BDH1: variants seen among roughly 807,000 people sequenced by gnomAD.
BDH1 encodes 3-hydroxybutyrate dehydrogenase 1, also known as D-beta-hydroxybutyrate dehydrogenase, mitochondrial.
A neutral mutation model predicts 33.1 loss-of-function variants in BDH1; 30 were observed. The observed-to-expected ratio is 0.91, with a 90% CI of 0.68 to 1.23. The LOEUF is 1.23. Ranked by LOEUF, BDH1 falls within the 50% of genes most tolerant of loss-of-function variation. BDH1 has a pLI of 0.00. For missense variants in BDH1, 443 were observed against 464.4 expected (o/e 0.95, Z 0.42); for synonymous variants, 190 against 183.6 (o/e 1.03, Z -0.28).
At chr3:197,527,971 C>T (rs2108735149) in intron 5 of BDH1, among the ~76,000 whole-genome samples, 2 of 152,238 alleles carry the variant, frequency 1.3e-5, no homozygotes, top group East Asian at 3.9e-4. Context: ...TTATTTTTCT[C>T]TACTGCTTTT....
At chr3:197,559,088 C>T (rs1006346771), upstream of BDH1, among the ~76,000 whole-genome samples, 4 of 151,566 alleles carry the variant, frequency 2.6e-5, no homozygotes, top group East Asian at 1.9e-4. Context: ...CTGCAACCTC[C>T]GCCTCCAGGG....
chr3:197,515,799 G>A, intron 6 of BDH1: 1 of 875,338 alleles, frequency 1.1e-6, no homozygotes, highest in Non-Finnish European at 1.4e-6. Context: ...AGCTACTCGG[G>A]AGGCTGAGGC....
intron 3 of BDH1, among the ~76,000 whole-genome samples, chr3:197,537,264 C>T (rs912491750): frequency 2.6e-5 from 4 of 152,238 alleles, no homozygotes; most frequent in African/African-American, 9.6e-5. Flanking sequence ...GCTGGGATTA[C>T]AGGCATGAAC....
At chr3:197,571,978 C>A (rs1717623643) in intron 1 of BDH1, among the ~76,000 whole-genome samples, 1 of 152,148 alleles carries the variant, frequency 6.6e-6, no homozygotes, top group African/African-American at 2.4e-5. Flanking sequence ...TCCATAACAA[C>A]TGTTTCAGCA....
chr3:197,512,828 G>A (rs763983894), intron 7 of BDH1, among the ~76,000 whole-genome samples: 46 of 152,294 alleles, frequency 3.0e-4, no homozygotes, highest in African/African-American at 1.0e-3. Context: ...GTAGTACGAC[G>A]TGCAGATAAG....
intron 2 of BDH1, among the ~76,000 whole-genome samples, chr3:197,550,878 C>T (rs1476075328): frequency 6.6e-6 from 1 of 152,194 alleles, no homozygotes; most frequent in Non-Finnish European, 1.5e-5. Flanking sequence ...TGCCACTTGC[C>T]ACCAAATCAA....
chr3:197,515,331 G>A (rs763682366), intron 6 of BDH1: 51 of 985,420 alleles, frequency 5.2e-5, no homozygotes, highest in Non-Finnish European at 5.8e-5. Context: ...AAAGCCTTGC[G>A]GGTGTCTCCC....
chr3:197,557,467 G>A (rs1267271831), upstream of BDH1, among the ~76,000 whole-genome samples: 2 of 152,250 alleles, frequency 1.3e-5, no homozygotes, highest in African/African-American at 2.4e-5. This position sits in a 1 kb window ranked among gnomAD's most constrained non-coding sequence, Gnocchi z 4.6. Flanking sequence ...ACTGTAGACC[G>A]GGTGCGGTGG....
At chr3:197,533,701 T>C in intron 3 of BDH1, 140 bp from the exon 4 acceptor site, 1 of 740,230 alleles carries the variant, frequency 1.4e-6, no homozygotes, top group Non-Finnish European at 2.3e-6. Flanking sequence ...AGAGGCCCTC[T>C]TTCCACCAGG....
chr3:197,560,371 G>A (rs1717218563), upstream of BDH1, among the ~76,000 whole-genome samples: 1 of 152,162 alleles, frequency 6.6e-6, no homozygotes, highest in Admixed American at 6.5e-5. Context: ...TTATTTGAAG[G>A]TGTTTTTACC....
At chr3:197,540,229 T>G (rs1715490040) in intron 3 of BDH1, among the ~76,000 whole-genome samples, 1 of 151,852 alleles carries the variant, frequency 6.6e-6, no homozygotes, top group Non-Finnish European at 1.5e-5. Flanking sequence ...AAATTTTGTG[T>G]TTTTGGTAGA....
In BDH1 at chr3:197,528,840, G is replaced by A. The variant is rs1360011962; in HGVS notation, c.267+3572C>T. 1 of 152,282 alleles carries A rather than the reference G, an allele frequency of 6.6e-6. No homozygotes were observed. The highest frequency in any genetic ancestry group is 1.5e-5 in the Non-Finnish European group (1 of 68,076). The allele number at this position is 152,282 out of a possible 1,614,324, so 9.4% of individuals were successfully genotyped here. ...ACATGTTTGTCCCCTTCCGGGGTTA[G>A]TGGTCAGTCTAGGACTAGAACCGAA... On this transcript the variant is annotated intron_variant, in intron 5 of 7. Transcript: ENST00000392379. This position sits in a 1 kb window ranked among gnomAD's most constrained non-coding sequence, Gnocchi z 5.1.
In BDH1 at chr3:197,510,518, C is replaced by A. The variant is rs968235099; in HGVS notation, c.*1377G>T. On this transcript the variant is annotated 3_prime_UTR_variant, in exon 8 of 8. Coordinates refer to ENST00000392379, the MANE Select transcript of BDH1 (RefSeq NM_203314.3). ...CAAGAAGTGATCATGCAGACCCTGC[C>A]TCAAGTGGCATCACTTCTTAATTGA... The A allele has an allele frequency of 1.3e-5, 2 of 152,352 alleles. No homozygotes were observed. Among genetic ancestry groups the A allele is most frequent in the African/African-American group, 2.4e-5 (1 of 41,338 alleles). The allele number at this position is 152,352 out of a possible 1,614,324, so 9.4% of individuals were successfully genotyped here. A position where few individuals can be genotyped will look rare whatever the true frequency, so the allele number is the denominator to read the frequency against.
intron 3 of BDH1, among the ~76,000 whole-genome samples, chr3:197,540,855 T>C (rs929059540): frequency 6.6e-6 from 1 of 152,208 alleles, no homozygotes; most frequent in Non-Finnish European, 1.5e-5. Flanking sequence ...GGCGCATTTC[T>C]ACTCTTCCAG....
At chr3:197,535,720 C>A (rs1245580261) in intron 3 of BDH1, among the ~76,000 whole-genome samples, 1 of 152,116 alleles carries the variant, frequency 6.6e-6, no homozygotes, top group African/African-American at 2.4e-5. Context: ...CCCCAGGACC[C>A]AAAGATTTTC....
intron 3 of BDH1, among the ~76,000 whole-genome samples, chr3:197,542,258 G>C (rs755036773): frequency 6.6e-6 from 1 of 152,214 alleles, no homozygotes; most frequent in South Asian, 2.1e-4. Flanking sequence ...ACTTCTAGGG[G>C]TTCCTGCTAT....
intron 5 of BDH1, among the ~76,000 whole-genome samples, chr3:197,524,932 G>A (rs1230518855): frequency 6.6e-6 from 1 of 152,156 alleles, no homozygotes; most frequent in Non-Finnish European, 1.5e-5. Context: ...ACTGTGGCGT[G>A]GCCCGCTAAG....
At chr3:197,558,025 T>G (rs1283819435), upstream of BDH1, among the ~76,000 whole-genome samples, 1 of 152,240 alleles carries the variant, frequency 6.6e-6, no homozygotes, top group Non-Finnish European at 1.5e-5. Context: ...GAAGAATTCT[T>G]CTTTACCCCA....
chr3:197,537,742 C>T (rs1396804743), intron 3 of BDH1, among the ~76,000 whole-genome samples: 1 of 152,172 alleles, frequency 6.6e-6, no homozygotes, highest in Non-Finnish European at 1.5e-5. Flanking sequence ...CTAAATTTTG[C>T]ATCTTCTGCA....
Sources: gnomAD v4.1 joint callset for allele counts (sites outside exome capture counted in the v4.1 genomes callset) on GRCh38, gnomAD v4.1.1 for gene constraint, Gnocchi (gnomAD v3.1) non-coding constraint, MANE v1.5 for transcripts, NCBI Gene and HGNC (gene_info 2026-07-23, HGNC 2026-07-21) for gene names.